DAGLA: variants seen among roughly 807,000 people sequenced by gnomAD.
The protein encoded by DAGLA is diacylglycerol lipase-alpha.
In DAGLA, 22 loss-of-function variants were observed where a neutral mutation model predicts 102.6. The ratio of observed to expected loss-of-function variants is 0.21; its 90% CI spans 0.15 to 0.31. The LOEUF (loss-of-function observed/expected upper bound fraction) is 0.31. DAGLA is among the 10% of genes least tolerant of loss of function. The pLI, the probability that DAGLA is intolerant of heterozygous loss-of-function variation, is 1.00. For synonymous variants in DAGLA, 578 were observed against 628.9 expected (o/e 0.92, Z 1.21); for missense variants, 927 against 1,446.6 (o/e 0.64, Z 5.83).
intron 1 of DAGLA, among the ~76,000 whole-genome samples, chr11:61,701,188 C>A (rs1042485328): frequency 6.6e-6 from 1 of 152,336 alleles, no homozygotes; most frequent in African/African-American, 2.4e-5. Context: ...AATAAAGAAG[C>A]GTGCTAATAC....
intron 1 of DAGLA, among the ~76,000 whole-genome samples, chr11:61,690,036 C>T (rs921575007): frequency 3.9e-5 from 6 of 152,154 alleles, no homozygotes; most frequent in African/African-American, 4.8e-5. Flanking sequence ...TGCAGCCCAC[C>T]GGGTCTGCAG....
At chr11:61,708,546 A>C (rs2065168688) in intron 1 of DAGLA, among the ~76,000 whole-genome samples, 1 of 151,420 alleles carries the variant, frequency 6.6e-6, no homozygotes, top group African/African-American at 2.4e-5. Flanking sequence ...ATGCCCAGCT[A>C]ATTTTTTTTG....
Position 61,723,509 on chromosome 11 carries a change from G to A in DAGLA, c.485G>A (p.Arg162His), listed in dbSNP as rs757531092. The A allele has an allele frequency of 3.7e-6, 6 of 1,613,974 alleles. No homozygotes were observed. Among genetic ancestry groups the A allele is most frequent in the South Asian group, 2.2e-5 (2 of 91,062 alleles). Residue 162 changes from arginine to histidine, a missense_variant, in exon 5 of 20, where the codon CGC becomes CAC. Arg to His is a conservative substitution (Grantham distance 29). This residue lies in a region of DAGLA where 231 missense variants were observed against 439.8 expected (regional missense o/e 0.53). Coordinates refer to ENST00000257215, the MANE Select transcript of DAGLA (RefSeq NM_006133.3). The stretch of plus-strand genomic sequence containing the variant: ...CTCTGCGTCTTCGACCCCACGGGCC[G>A]CACCTTTGTCAAGCTGAGAGCCACC... The part of the protein sequence containing the change: ...TVLCVFDPTG[R>H]TFVKLRATKR...
At chr11:61,740,915 C>A (rs948424916) in intron 18 of DAGLA, among the ~76,000 whole-genome samples, 2 of 152,214 alleles carry the variant, frequency 1.3e-5, no homozygotes, top group Non-Finnish European at 2.9e-5. Flanking sequence ...CCACAGCCAT[C>A]CCCTGGCTGC....
At chr11:61,739,413 C>G in intron 16 of DAGLA, 52 bp from the exon 17 acceptor site, 3 of 1,569,676 alleles carry the variant, frequency 1.9e-6, no homozygotes, top group South Asian at 2.3e-5. Flanking sequence ...CCCTGCCCCC[C>G]AGCCAGTGCT....
Position 61,684,732 on chromosome 11 carries a change from G to A in DAGLA, c.-45+4228G>A, listed in dbSNP as rs2064972830. On this transcript the variant is annotated intron_variant, in intron 1 of 19. Transcript: ENST00000257215. This position sits in a 1 kb window ranked among gnomAD's most constrained non-coding sequence, Gnocchi z 4.5. ...GTGCCCATAAGTGTTTCTGTGGGAA[G>A]TGAGGGCGGAGGGGGTGTGGAGCGC... Among the ~76,000 whole-genome samples, 2 of 152,162 alleles carry A rather than the reference G, an allele frequency of 1.3e-5. No individual in the cohort carries two copies. Among genetic ancestry groups the A allele is most frequent in the Non-Finnish European group, 2.9e-5 (2 of 68,042 alleles).
At chr11:61,703,172 C>T (rs574836999) in intron 1 of DAGLA, among the ~76,000 whole-genome samples, 3 of 152,220 alleles carry the variant, frequency 2.0e-5, no homozygotes, top group African/African-American at 7.2e-5. Context: ...TGAGCTCCCC[C>T]AACCTGCCAA....
rs568995561 is a variant in DAGLA at position 61,728,072 on chromosome 11, A to G, written c.637-81A>G. On this transcript the variant is annotated intron_variant, in intron 6 of 19. Coordinates refer to ENST00000257215, the MANE Select transcript of DAGLA (RefSeq NM_006133.3). ...CAGACACCTGCTTCTGCAGCCTCCC[A>G]GCCCTGGGGGATTTACTCCTGGCCT... 86 of 1,537,580 alleles carry G rather than the reference A, an allele frequency of 5.6e-5. No homozygotes were observed. The African/African-American group carries it at 9.8e-4, about 17-fold the overall frequency.
intron 1 of DAGLA, among the ~76,000 whole-genome samples, chr11:61,693,574 C>T (rs973955089): frequency 6.6e-6 from 1 of 152,162 alleles, no homozygotes; most frequent in Non-Finnish European, 1.5e-5. Context: ...GTCTCGATCT[C>T]CTGATCTTGT....
chr11:61,711,948 A>G (rs2065197646), intron 1 of DAGLA, among the ~76,000 whole-genome samples: 1 of 152,222 alleles, frequency 6.6e-6, no homozygotes, highest in Non-Finnish European at 1.5e-5. Context: ...TAAAGGAGGT[A>G]ATTTTTGTGA....
chr11:61,722,704 C>CG (rs1283717935), intron 3 of DAGLA, among the ~76,000 whole-genome samples, 155 bp from the exon 4 acceptor site: 2 of 136,522 alleles, frequency 1.5e-5, no homozygotes, highest in Non-Finnish European at 3.2e-5. Context: ...GCCTGGGAGG[C>CG]GGGGGGTGGG....
chr11:61,744,059 G>C lies in DAGLA; in HGVS notation c.2699G>C (p.Gly900Ala). ...CGCGGGGAGCTGGCGCTGCACAATG[G>C]GCGCCTGGGGGACTCGCCCAGTCCT... ...ASRGELALHN[G>A]RLGDSPSPQV... Residue 900 changes from glycine (G) to alanine (A), a missense_variant, in exon 20 of 20, where the codon GGG becomes GCG. By Grantham distance (60) the Gly-to-Ala change is moderately conservative. Around this residue, in one of 4 missense-constraint regions of DAGLA, gnomAD observed 434 missense variants for 503.3 expected, o/e 0.86. Transcript: ENST00000257215. 1 of 1,612,784 alleles carries C rather than the reference G, an allele frequency of 6.2e-7. No individual in the cohort carries two copies. Among genetic ancestry groups the C allele is most frequent in the Non-Finnish European group, 8.5e-7 (1 of 1,179,954 alleles).
intron 1 of DAGLA, among the ~76,000 whole-genome samples, chr11:61,701,295 A>G (rs1434562548): frequency 1.3e-5 from 2 of 152,220 alleles, no homozygotes; most frequent in Non-Finnish European, 2.9e-5. Flanking sequence ...AGGCCCCAGA[A>G]GAGCAGAGAG....
chr11:61,725,175 G>A (rs1000656099), intron 5 of DAGLA, among the ~76,000 whole-genome samples: 23 of 152,122 alleles, frequency 1.5e-4, no homozygotes, highest in African/African-American at 5.3e-4. Flanking sequence ...CTTCTTGCTC[G>A]GTTTGGAGGT....
rs143792369 is a variant in DAGLA, at chr11:61,719,520, C to T, written c.-44-592C>T. Among the ~76,000 whole-genome samples, 374 of 152,378 alleles carry T rather than the reference C, an allele frequency of 2.5e-3. 1 individual carries two copies. The highest frequency in any genetic ancestry group is 8.5e-3 in the African/African-American group (352 of 41,594). On this transcript the variant is annotated intron_variant, in intron 1 of 19. Transcript: ENST00000257215. The stretch of plus-strand genomic sequence containing the variant: ...CTTCCAGCAAAGCAGGAAACTGAAG[C>T]CTTCATTCAAGAAATACTTACTGAG...
rs1187833695 is a variant in DAGLA, at chr11:61,745,126, G to A, written c.*637G>A. ...GGCCCAAGGCAGCCAGGGGCCTGGA[G>A]GGGCCAGAGGAGGGTGGGGTCAGGG... On this transcript the variant is annotated 3_prime_UTR_variant, in exon 20 of 20. Coordinates refer to ENST00000257215, the MANE Select transcript of DAGLA (RefSeq NM_006133.3). The A allele has an allele frequency of 6.5e-6, 1 of 153,486 alleles. No individual in the cohort carries two copies. Among genetic ancestry groups the A allele is most frequent in the African/African-American group, 2.4e-5 (1 of 41,452 alleles). 9.5% of individuals were successfully genotyped at this position (153,486 alleles called of 1,614,324 possible).
chr11:61,737,335 TG>T lies in DAGLA; in HGVS notation c.1514+15del. 6.2e-7 allele frequency: 1 copy of T among 1,609,374 alleles called. No individual in the cohort carries two copies. On this transcript the variant is annotated intron_variant, in intron 14 of 19. Transcript: ENST00000257215. ...AGGGGGCCTGCTGAGGTGAGCCATC[TG>T]GGGCTTCAGAGTTGGCTGGGGCAGT...
intron 15 of DAGLA, 29 bp downstream of exon 15, chr11:61,737,784 C>T: frequency 2.2e-5 from 35 of 1,603,284 alleles, no homozygotes; most frequent in Non-Finnish European, 2.9e-5. Flanking sequence ...TCCATGGTCC[C>T]TTGCCAGGCT....
intron 1 of DAGLA, among the ~76,000 whole-genome samples, chr11:61,690,750 T>C (rs1026820177): frequency 6.6e-5 from 10 of 152,164 alleles, no homozygotes; most frequent in African/African-American, 2.4e-4. Flanking sequence ...TCACCTGGCA[T>C]GGGGTTTGGG....
Sources: gnomAD v4.1 joint callset for allele counts (sites outside exome capture counted in the v4.1 genomes callset) on GRCh38, gnomAD v4.1.1 for gene constraint, gnomAD v4.1.1 regional missense constraint, Gnocchi (gnomAD v3.1) non-coding constraint, MANE v1.5 for transcripts, NCBI Gene and HGNC (gene_info 2026-07-23, HGNC 2026-07-21) for gene names.